CBLIF: variants seen among roughly 807,000 people sequenced by gnomAD.
CBLIF encodes the protein gastric intrinsic factor (vitamin B synthesis).
Under a neutral mutation model 44.9 loss-of-function variants are expected in CBLIF, and 24 were observed. That is an observed-to-expected ratio of 0.53 (90% CI 0.39 to 0.75). CBLIF has a LOEUF of 0.75. CBLIF is among the 30% of genes least tolerant of loss of function. The pLI, the probability that CBLIF is intolerant of heterozygous loss-of-function variation, is 0.00. For missense variants in CBLIF, 481 were observed against 513.0 expected (o/e 0.94, Z 0.60); for synonymous variants, 183 against 190.9 (o/e 0.96, Z 0.34).
At position 59,831,783 on chromosome 11, in the gene CBLIF, T is replaced by C. The variant is rs760298108; in HGVS notation, c.1087A>G (p.Met363Val). The change falls in exon 8 of 9, where the codon ATG becomes GTG. Residue 363 changes from methionine to valine, a missense_variant. Met to Val is a conservative substitution (Grantham distance 21). Transcript: ENST00000257248. Reference protein sequence around the residue: ...KNPMFKFETTMTSWGLVVSSI... With the variant: ...KNPMFKFETTVTSWGLVVSSI... ...GAGACGACAAGGCCCCAAGATGTCATTGTGGTTTCAAATCTAAAAAAAAGT... is the reference window on the plus strand; with the variant it reads ...GAGACGACAAGGCCCCAAGATGTCACTGTGGTTTCAAATCTAAAAAAAAGT... 2.0e-5 allele frequency: 32 copies of C among 1,585,668 alleles called. No individual in the cohort carries two copies. Among genetic ancestry groups the C allele is most frequent in the Admixed American group, 8.3e-5 (5 of 59,964 alleles).
Position 59,841,151 on chromosome 11 carries a change from C to A in CBLIF, c.685G>T (p.Ala229Ser), listed in dbSNP as rs765032516. Reference protein sequence around the residue: ...IIGDIYSTGLAMQALSVTPEP... With the variant: ...IIGDIYSTGLSMQALSVTPEP... ...ATCCAGCACGTGTTTACCTGCATGGCGAGGCCAGTACTGTAGATGTCTCCA... is the reference window on the plus strand; with the variant it reads ...ATCCAGCACGTGTTTACCTGCATGGAGAGGCCAGTACTGTAGATGTCTCCA... The change falls in exon 5 of 9, where the codon GCC becomes TCC. Residue 229 changes from alanine (A) to serine (S), a missense_variant. Transcript: ENST00000257248. The A allele has an allele frequency of 1.2e-5, 19 of 1,612,164 alleles. No homozygotes were observed. The highest frequency in any genetic ancestry group is 3.3e-4 in the Middle Eastern group (2 of 6,082).
At chr11:59,844,762 G>A (rs1172013947) in intron 1 of CBLIF, among the ~76,000 whole-genome samples, 2 of 152,134 alleles carry the variant, frequency 1.3e-5, no homozygotes, top group Admixed American at 1.3e-4. Flanking sequence ...CTAGTATGTA[G>A]TGGTGTCTGG....
rs1866525464 is a variant in CBLIF, at chr11:59,841,320, T to C, written c.516A>G (p.Thr172=). 8 of 1,610,590 alleles carry C rather than the reference T, an allele frequency of 5.0e-6. No homozygotes were observed. Among genetic ancestry groups the C allele is most frequent in the Non-Finnish European group, 6.8e-6 (8 of 1,176,774 alleles). The change falls in exon 5 of 9, where the codon ACA becomes ACG. Residue 172 remains threonine (T), a synonymous_variant. Coordinates refer to ENST00000257248, the MANE Select transcript of CBLIF (RefSeq NM_005142.3). ...TCAGAGCCAAGGTTGCCATTGCTCC[T>C]GTGTCTGTGAATGACAGAGGGTATA... is the stretch of plus-strand genomic sequence containing the variant. ...LANSSPFNVD[T]GAMATLALTC...
intron 8 of CBLIF, 123 bp downstream of exon 8, chr11:59,831,555 T>C (rs992426073): frequency 1.6e-6 from 1 of 643,990 alleles, no homozygotes; most frequent in African/African-American, 1.9e-5. Context: ...AGAATTATTG[T>C]ATATACACAT....
In CBLIF at chr11:59,842,542, C is replaced by A; in HGVS notation, c.412G>T (p.Ala138Ser). The change falls in exon 4 of 9, where the codon GCG becomes TCG. Residue 138 changes from alanine (A) to serine (S), a missense_variant. Transcript: ENST00000257248. ...TTCTTCTGGCACAGTGCCAAGATCG[C>A]TAGACTGGGCCCATAGAAGGCTGAT... ...EASAFYGPSL[A>S]ILALCQKNSE... 6.2e-7 allele frequency: 1 copy of A among 1,613,918 alleles called. No individual in the cohort carries two copies. The highest frequency in any genetic ancestry group is 8.5e-7 in the Non-Finnish European group (1 of 1,179,916).
chr11:59,837,383 G>A (rs752765189), intron 5 of CBLIF, 32 bp from the exon 6 acceptor site: 11 of 1,535,104 alleles, frequency 7.2e-6, no homozygotes, highest in Admixed American at 1.7e-5. Context: ...GAGAGAAAGA[G>A]TAATTAGGCA....
At chr11:59,843,831 T>C in intron 2 of CBLIF, 48 bp downstream of exon 2, 1 of 1,385,898 alleles carries the variant, frequency 7.2e-7, no homozygotes, top group Non-Finnish European at 1.0e-6. Context: ...GGAGGTGGTA[T>C]GTGATGTGTG....
chr11:59,834,019 TC>T (rs749155797), intron 7 of CBLIF, among the ~76,000 whole-genome samples: 4 of 152,182 alleles, frequency 2.6e-5, no homozygotes, highest in East Asian at 3.9e-4. Flanking sequence ...GTTACTAACT[TC>T]TTTGGGCCTA....
At position 59,829,530 on chromosome 11, in the gene CBLIF, A is replaced by G. The variant is rs758300388; in HGVS notation, c.1208T>C (p.Ile403Thr). The G allele has an allele frequency of 1.2e-6, 2 of 1,609,230 alleles. No individual in the cohort carries two copies. The highest frequency in any genetic ancestry group is 1.7e-6 in the Non-Finnish European group (2 of 1,175,540). Residue 403 changes from isoleucine to threonine, a missense_variant, in exon 9 of 9, where the codon ATA becomes ACA. Ile to Thr is a moderately conservative substitution (Grantham distance 89). Coordinates refer to ENST00000257248, the MANE Select transcript of CBLIF (RefSeq NM_005142.3). ...TPLNEGVADY[I>T]PFNHEHITAN... Reference sequence around the variant, plus strand: ...TGTGATGTGCTCGTGGTTGAAGGGTATGTAGTCAGCAACCCCTGGAAATAA... The same window carrying G: ...TGTGATGTGCTCGTGGTTGAAGGGTGTGTAGTCAGCAACCCCTGGAAATAA...
In CBLIF at chr11:59,835,879, A is replaced by G. The variant is rs762614729; in HGVS notation, c.1002T>C (p.Asn334=). The G allele has an allele frequency of 3.7e-6, 6 of 1,614,070 alleles. No homozygotes were observed. The highest frequency in any genetic ancestry group is 1.6e-4 in the Middle Eastern group (1 of 6,062). Residue 334 remains asparagine, a synonymous_variant, in exon 7 of 9, where the codon AAT becomes AAC. Transcript: ENST00000257248. ...ACACTGACCCACTTTTCACACTAAC[A>G]TTGATGGTCTCGTTGAAGAGCAGCT... is the stretch of plus-strand genomic sequence containing the variant. ...GVELLFNETI[N]VSVKSGSVLL... is the part of the protein sequence containing the mutation.
chr11:59,838,345 TA>T, intron 5 of CBLIF, among the ~76,000 whole-genome samples: 1 of 152,188 alleles, frequency 6.6e-6, no homozygotes, highest in East Asian at 1.9e-4. Context: ...GGCTAATGTA[TA>T]AAAGCATTTC....
rs1866591786 is a variant in CBLIF at position 59,845,387 on chromosome 11, G to C, written c.67C>G (p.Gln23Glu). The C allele has an allele frequency of 3.7e-6, 6 of 1,611,720 alleles. No individual in the cohort carries two copies. The highest frequency in any genetic ancestry group is 4.2e-6 in the Non-Finnish European group (5 of 1,177,984). ...WATAGTSTQT[Q>E]SSCSVPSAQE... Reference sequence around the variant, plus strand: ...ACATCATACTCACAGCATGAACTCTGGGTCTGGGTACTAGTCCCAGCTGTA... The same window carrying C: ...ACATCATACTCACAGCATGAACTCTCGGTCTGGGTACTAGTCCCAGCTGTA... Residue 23 changes from glutamine to glutamate, a missense_variant, in exon 1 of 9, where the codon CAG (glutamine) becomes GAG (glutamate). Physicochemically the swap from Gln to Glu is conservative, Grantham distance 29. Coordinates refer to ENST00000257248, the MANE Select transcript of CBLIF (RefSeq NM_005142.3).
intron 5 of CBLIF, among the ~76,000 whole-genome samples, chr11:59,838,651 A>C (rs1416965204): frequency 6.6e-6 from 1 of 152,180 alleles, no homozygotes; most frequent in Non-Finnish European, 1.5e-5. Context: ...AAGGGCCATC[A>C]GGTGGGTGCT....
At position 59,844,033 on chromosome 11, in the gene CBLIF, G is replaced by C; in HGVS notation, c.102C>G (p.Pro34=). 6.2e-7 allele frequency: 1 copy of C among 1,613,856 alleles called. No homozygotes were observed. The part of the protein sequence containing the change: ...SSCSVPSAQE[P]LVNGIQVLME... ...TGAGTACTTGTATTCCATTGACCAA[G>C]GGCTCCTGTGCTGAGGGAACGGCTG... Residue 34 remains proline (P), a synonymous_variant, in exon 2 of 9, where the codon CCC becomes CCG. Coordinates refer to ENST00000257248, the MANE Select transcript of CBLIF (RefSeq NM_005142.3).
intron 7 of CBLIF, among the ~76,000 whole-genome samples, chr11:59,832,488 TA>T (rs1565206887): frequency 6.6e-6 from 1 of 151,802 alleles, no homozygotes; most frequent in East Asian, 1.9e-4. Context: ...AAGTTAAGTT[TA>T]AAAAAAAGAG....
At chr11:59,839,386 G>C (rs1866494563) in intron 5 of CBLIF, among the ~76,000 whole-genome samples, 1 of 152,152 alleles carries the variant, frequency 6.6e-6, no homozygotes, top group Non-Finnish European at 1.5e-5. Context: ...TTGAACAATT[G>C]TTAAGCATTA....
intron 5 of CBLIF, among the ~76,000 whole-genome samples, chr11:59,840,143 C>G (rs1337511958): frequency 2.6e-5 from 4 of 151,596 alleles, no homozygotes; most frequent in Non-Finnish European, 4.4e-5. Context: ...TAACATGAAC[C>G]AATTCTTAGG....
chr11:59,838,571 A>G (rs745534418), intron 5 of CBLIF, among the ~76,000 whole-genome samples: 28 of 152,212 alleles, frequency 1.8e-4, no homozygotes, highest in Admixed American at 2.6e-4. Flanking sequence ...GACAGGGACA[A>G]CCATCACTGA....
rs1338035942 is a variant in CBLIF at position 59,837,329 on chromosome 11, G to T, written c.716C>A (p.Pro239Gln). The T allele has an allele frequency of 1.2e-6, 2 of 1,612,978 alleles. No individual in the cohort carries two copies. The highest frequency in any genetic ancestry group is 2.2e-5 in the East Asian group (1 of 44,856). The change falls in exon 6 of 9, where the codon CCA becomes CAA. Residue 239 changes from proline (P) to glutamine (Q), a missense_variant. Physicochemically the swap from Pro to Gln is moderately conservative, Grantham distance 76 (BLOSUM62 -1). Transcript: ENST00000257248. ...CTTGCAGTTCCATTCCTTTTTAGAT[G>T]GCTCAGGTGTTACAGAGAGAGCCTG... ...AMQALSVTPE[P>Q]SKKEWNCKKT... is the part of the protein sequence containing the mutation.
Sources: gnomAD v4.1 joint callset for allele counts (sites outside exome capture counted in the v4.1 genomes callset) on GRCh38, gnomAD v4.1.1 for gene constraint, MANE v1.5 for transcripts, NCBI Gene and HGNC (gene_info 2026-07-23, HGNC 2026-07-21) for gene names.